KCTD19: variants seen among roughly 807,000 people sequenced by gnomAD.
KCTD19 encodes the protein potassium channel tetramerization domain containing 19.
KCTD19 carries 67 observed loss-of-function variants against 103.5 expected under a neutral mutation model. That is an observed-to-expected ratio of 0.65 (90% confidence interval 0.53 to 0.79). The LOEUF (loss-of-function observed/expected upper bound fraction) is 0.79. Among genes scored for constraint, KCTD19 ranks in the 30% least tolerant of loss-of-function variants. The pLI is 0.00. For synonymous variants in KCTD19, 439 were observed against 452.2 expected (o/e 0.97, Z 0.37); for missense variants, 980 against 1,136.1 (o/e 0.86, Z 1.98).
intron 8 of KCTD19, 108 bp from the exon 9 acceptor site, chr16:67,295,513 T>C: frequency 9.6e-7 from 1 of 1,044,270 alleles, no homozygotes; most frequent in Non-Finnish European, 1.4e-6. Flanking sequence ...GCAGAGGCTT[T>C]GAGATTCCAT....
At chr16:67,299,604 GC>G (rs765074174) in intron 5 of KCTD19, 31 bp from the exon 6 acceptor site, 4 of 1,571,404 alleles carry the variant, frequency 2.5e-6, no homozygotes, top group Admixed American at 1.7e-5. Context: ...TGACTCCTAG[GC>G]CCCCCATGGT....
intron 1 of KCTD19, among the ~76,000 whole-genome samples, chr16:67,326,419 C>A (rs1423725266): frequency 6.6e-6 from 1 of 152,082 alleles, no homozygotes; most frequent in Non-Finnish European, 1.5e-5. Context: ...AAGTCAGCAT[C>A]CCCCAGCGCT....
In KCTD19 at chr16:67,294,313, G is replaced by A. The variant is rs545880623; in HGVS notation, c.1591-142C>T. On this transcript the variant is annotated intron_variant, in intron 11 of 15. Coordinates refer to ENST00000304372, the MANE Select transcript of KCTD19 (RefSeq NM_001100915.3). ...TCCCTGACAGGGGTCACCCATTTGA[G>A]CTTTGCTCAGGCTGAGTGGGGATGG... 126 of 976,172 alleles carry A rather than the reference G, an allele frequency of 1.3e-4. No individual in the cohort carries two copies. The African/African-American group carries it at 1.9e-3, about 15-fold the overall frequency. The allele number at this position is 976,172 out of a possible 1,614,324, so 60.5% of individuals were successfully genotyped here.
At chr16:67,299,017 G>T (rs1280119959) in intron 6 of KCTD19, among the ~76,000 whole-genome samples, 2 of 152,262 alleles carry the variant, frequency 1.3e-5, no homozygotes, top group African/African-American at 4.8e-5. Context: ...GAGGACCTTT[G>T]TAGAGGGGTC....
At chr16:67,302,688 C>A in intron 4 of KCTD19, 1 of 165,536 alleles carries the variant, frequency 6.0e-6, no homozygotes, top group South Asian at 1.7e-4. Flanking sequence ...TCACCATCCA[C>A]CCTCCTTCCC....
chr16:67,306,417 C>G (rs969390232), intron 2 of KCTD19, among the ~76,000 whole-genome samples: 1 of 152,176 alleles, frequency 6.6e-6, no homozygotes, highest in Non-Finnish European at 1.5e-5. Flanking sequence ...AGGTGCCCAC[C>G]ACCATGCCTG....
chr16:67,289,522 A>G lies in KCTD19; in HGVS notation c.*47T>C. 8.7e-7 allele frequency: 1 copy of G among 1,154,760 alleles called. No individual in the cohort carries two copies. The highest frequency in any genetic ancestry group is 1.3e-6 in the Non-Finnish European group (1 of 763,984). The allele number at this position is 1,154,760 out of a possible 1,614,324, so 71.5% of individuals were successfully genotyped here. A position where few individuals can be genotyped will look rare whatever the true frequency, so the allele number is the denominator to read the frequency against. ...TGCATTCTGGGCTATCTCCAATTAA[A>G]ATGAGACTTGGCGGGTGGGGCATGA... On this transcript the variant is annotated 3_prime_UTR_variant, in exon 16 of 16. Coordinates refer to ENST00000304372, the MANE Select transcript of KCTD19 (RefSeq NM_001100915.3).
At chr16:67,299,235 C>A (rs994587343) in intron 6 of KCTD19, 128 bp downstream of exon 6, 3 of 845,454 alleles carry the variant, frequency 3.5e-6, no homozygotes, top group African/African-American at 3.4e-5. Context: ...ATGGTAATGG[C>A]TAAAATGATG....
chr16:67,322,481 GT>G lies in KCTD19; in HGVS notation c.4-1597del, dbSNP rs1282283965. On this transcript the variant is annotated intron_variant, in intron 1 of 15. Transcript: ENST00000304372. ...GCCCGGCTAATTTTTTGTATTTTTA[GT>G]AGAGATGGGGTTTTACTGTGTTAGC... 2.6e-5 allele frequency among the ~76,000 whole-genome samples: 4 copies of G among 152,030 alleles called. No homozygotes were observed. In the East Asian group the frequency reaches 7.7e-4, roughly 29 times the overall value.
rs369273590 is a variant in KCTD19 at position 67,289,596 on chromosome 16, G to T, written c.2754C>A (p.Ile918=). The change falls in exon 16 of 16, where the codon ATC becomes ATA. Residue 918 remains isoleucine (I), a synonymous_variant. Transcript: ENST00000304372. ...RGLSRSVSYS[I]LGKYLQED is the part of the protein sequence containing the mutation. ...AGTCCTCTTGTAGGTACTTTCCCAG[G>T]ATGGAGTAAGAGACAGACCTAGACA... is the stretch of plus-strand genomic sequence containing the variant. 5 of 1,613,512 alleles carry T rather than the reference G, an allele frequency of 3.1e-6. No individual in the cohort carries two copies. Among genetic ancestry groups the T allele is most frequent in the Admixed American group, 1.7e-5 (1 of 60,002 alleles).
intron 2 of KCTD19, among the ~76,000 whole-genome samples, chr16:67,309,741 G>A (rs999118456): frequency 6.6e-6 from 1 of 152,188 alleles, no homozygotes; most frequent in African/African-American, 2.4e-5. Flanking sequence ...TCCCTGCCCA[G>A]GACAACACTC....
In KCTD19 at chr16:67,293,622, G is replaced by A; in HGVS notation, c.2140C>T (p.Pro714Ser). ...GAGAKDKGPE[P>S]TFKPYLPPKR... ...GGGGGTAAGTATGGCTTGAAGGTTG[G>A]CTCTGGCCCCTTGTCTTTCGCTCCA... Residue 714 changes from proline (P) to serine (S), a missense_variant, in exon 12 of 16, where the codon CCA (proline) becomes TCA (serine). Coordinates refer to ENST00000304372, the MANE Select transcript of KCTD19 (RefSeq NM_001100915.3). The surrounding 1 kb of genome is among the most constrained non-coding windows in gnomAD (Gnocchi z 4.0). The A allele has an allele frequency of 2.5e-6, 4 of 1,613,980 alleles. No individual in the cohort carries two copies. Among genetic ancestry groups the A allele is most frequent in the Non-Finnish European group, 3.4e-6 (4 of 1,180,008 alleles).
At chr16:67,299,224 G>A in intron 6 of KCTD19, 139 bp downstream of exon 6, 1 of 760,156 alleles carries the variant, frequency 1.3e-6, no homozygotes, top group Non-Finnish European at 2.2e-6. Flanking sequence ...CGGTGCTGGT[G>A]ATGGTAATGG....
intron 6 of KCTD19, among the ~76,000 whole-genome samples, chr16:67,298,286 C>G (rs1168542353): frequency 6.6e-6 from 1 of 152,128 alleles, no homozygotes; most frequent in Non-Finnish European, 1.5e-5. Flanking sequence ...AGCCACCGCG[C>G]CCAGCCCGTT....
chr16:67,301,891 T>C lies in KCTD19; in HGVS notation c.675A>G (p.Leu225=), dbSNP rs775264481. The C allele has an allele frequency of 2.5e-6, 4 of 1,613,340 alleles. No homozygotes were observed. In the African/African-American group the frequency reaches 5.3e-5, roughly 22 times the overall value. ...VNFLRSQKIL[L]PDNFSNIDVL... Reference sequence around the variant, plus strand: ...CATCAATGTTGGAGAAATTATCCGGTAGTAAAATCTTCTGTGAGCGAAGAA... The same window carrying C: ...CATCAATGTTGGAGAAATTATCCGGCAGTAAAATCTTCTGTGAGCGAAGAA... Residue 225 remains leucine, a synonymous_variant, in exon 5 of 16, where the codon CTA becomes CTG. Transcript: ENST00000304372.
At chr16:67,302,906 C>T (rs1046382888) in intron 4 of KCTD19, 2 of 516,686 alleles carry the variant, frequency 3.9e-6, no homozygotes, top group African/African-American at 3.9e-5. Flanking sequence ...CAGTGCCTGA[C>T]ACTTTTACAG....
Position 67,294,502 on chromosome 16 carries a change from G to C in KCTD19, c.1590+78C>G. ...CATTTTGCTGCACCCACCAGTAGCT[G>C]AACCTACCCCCATCCACCCTGAGCC... On this transcript the variant is annotated intron_variant, in intron 11 of 15. Transcript: ENST00000304372. 5 of 998,734 alleles carry C rather than the reference G, an allele frequency of 5.0e-6. 1 individual carries two copies. The South Asian group carries it at 6.6e-5, about 13-fold the overall frequency. 61.9% of individuals were successfully genotyped at this position (998,734 alleles called of 1,614,324 possible).
At position 67,294,064 on chromosome 16, in the gene KCTD19, C is replaced by G. The variant is rs539527603; in HGVS notation, c.1698G>C (p.Gln566His). ...VRSNQMDEAE[Q>H]YTRPIQVSLC... ...GGGACACCTGGATGGGCCGAGTGTA[C>G]TGCTCAGCCTCATCCATCTGGTTGG... Residue 566 changes from glutamine (Q) to histidine (H), a missense_variant, in exon 12 of 16, where the codon CAG (glutamine) becomes CAC (histidine). Gln to His is a conservative substitution (Grantham distance 24). Transcript: ENST00000304372. The G allele has an allele frequency of 1.1e-5, 17 of 1,614,208 alleles. No homozygotes were observed. The Admixed American group carries it at 2.0e-4, about 19-fold the overall frequency.
In KCTD19 at chr16:67,320,619, T is replaced by C; in HGVS notation, c.270A>G (p.Ala90=). 1 of 1,614,196 alleles carries C rather than the reference T, an allele frequency of 6.2e-7. No homozygotes were observed. Among genetic ancestry groups the C allele is most frequent in the Non-Finnish European group, 8.5e-7 (1 of 1,180,040 alleles). The part of the protein sequence containing the change: ...CAELNLLYEQ[A]LGLQLMPLLQ... ...GCAAAGGCATCAGCTGCAAACCCAA[T>C]GCTTGCTCATACAGCAAGTTCAGTT... The change falls in exon 2 of 16, where the codon GCA becomes GCG. Residue 90 remains alanine (A), a synonymous_variant. Coordinates refer to ENST00000304372, the MANE Select transcript of KCTD19 (RefSeq NM_001100915.3). The surrounding 1 kb of genome is among the most constrained non-coding windows in gnomAD (Gnocchi z 4.0).
Sources: allele counts gnomAD v4.1 joint callset (sites outside exome capture counted in the v4.1 genomes callset), GRCh38; gene constraint gnomAD v4.1.1; non-coding constraint Gnocchi (gnomAD v3.1); transcripts MANE v1.5; gene names NCBI Gene and HGNC (gene_info 2026-07-23, HGNC 2026-07-21).